The following EYS variants were observed in gnomAD, a reference collection of about 807,000 sequenced individuals.
EYS encodes the protein EGF-like photoreceptor maintenance factor.
In EYS, 250 loss-of-function variants were observed where a neutral mutation model predicts 282.1. That is an observed-to-expected ratio of 0.89 (90% CI 0.80 to 0.98). The LOEUF is 0.98. Ranked by LOEUF, EYS falls within the 50% of genes least tolerant of loss-of-function variation. The pLI, the probability that EYS is intolerant of heterozygous loss-of-function variation, is 0.00. For missense variants in EYS, 4,016 were observed against 3,709.0 expected (o/e 1.08, Z -2.15); for synonymous variants, 1,355 against 1,282.9 (o/e 1.06, Z -1.20).
At chr6:64,107,213 T>TA (rs141624057) in intron 31 of EYS, among the ~76,000 whole-genome samples, 6,134 of 146,484 alleles carry the variant, frequency 0.042, 386 homozygotes, top group African/African-American at 0.14. Flanking sequence ...GTGTATGAGT[T>TA]GGATTCTCTA....
chr6:64,819,364 G>C (rs6924334), intron 21 of EYS, among the ~76,000 whole-genome samples: 2 of 152,008 alleles, frequency 1.3e-5, no homozygotes, highest in African/African-American at 4.8e-5. Context: ...TTTAAAAAAT[G>C]TATTAAACTA....
At chr6:63,845,831 C>T (rs898486938) in intron 36 of EYS, among the ~76,000 whole-genome samples, 2 of 152,104 alleles carry the variant, frequency 1.3e-5, no homozygotes, top group African/African-American at 4.8e-5. Flanking sequence ...CAGAAAGGCA[C>T]CTTAAGTCCT....
intron 24 of EYS, among the ~76,000 whole-genome samples, chr6:64,612,376 T>A (rs1333462455): frequency 6.6e-6 from 1 of 152,152 alleles, no homozygotes; most frequent in Non-Finnish European, 1.5e-5. Flanking sequence ...GAATTTCATT[T>A]ACTGAGGAAG....
At chr6:65,365,802 C>T (rs892097081) in intron 8 of EYS, among the ~76,000 whole-genome samples, 5 of 151,592 alleles carry the variant, frequency 3.3e-5, no homozygotes, top group Non-Finnish European at 7.4e-5. Context: ...GTCCATGGGC[C>T]TCTTGTAATA....
intron 12 of EYS, among the ~76,000 whole-genome samples, chr6:65,292,612 G>A (rs1192793449): frequency 6.6e-6 from 1 of 151,706 alleles, no homozygotes; most frequent in East Asian, 1.9e-4. Context: ...CTTGTAGACT[G>A]CTTTGGGGAA....
At chr6:65,183,946 G>A (rs1765454400) in intron 12 of EYS, among the ~76,000 whole-genome samples, 1 of 151,514 alleles carries the variant, frequency 6.6e-6, no homozygotes, top group Non-Finnish European at 1.5e-5. Flanking sequence ...TGCACTTCAA[G>A]AAATACTTTA....
intron 31 of EYS, among the ~76,000 whole-genome samples, chr6:64,159,786 T>C (rs1028886560): frequency 1.3e-5 from 2 of 152,076 alleles, no homozygotes; most frequent in African/African-American, 2.4e-5. Flanking sequence ...GTGGGATGTC[T>C]ACAACCCCAT....
At chr6:65,496,468 CAATT>C (rs1427296866) in intron 2 of EYS, among the ~76,000 whole-genome samples, 1 of 151,860 alleles carries the variant, frequency 6.6e-6, no homozygotes, top group African/African-American at 2.4e-5. Context: ...GCAATCCTCA[CAATT>C]AAACTCAAAT....
chr6:65,073,642 T>C (rs1158422592), intron 12 of EYS, among the ~76,000 whole-genome samples: 1 of 151,682 alleles, frequency 6.6e-6, no homozygotes, highest in Non-Finnish European at 1.5e-5. Context: ...TATTTTTATA[T>C]ATACTTTTTA....
At chr6:65,426,457 A>C (rs1767667244) in intron 5 of EYS, among the ~76,000 whole-genome samples, 1 of 152,132 alleles carries the variant, frequency 6.6e-6, no homozygotes, top group African/African-American at 2.4e-5. Context: ...AAAACACTGA[A>C]TGAATGAGAT....
At chr6:65,443,656 C>T (rs2351259) in intron 5 of EYS, among the ~76,000 whole-genome samples, 27,872 of 151,012 alleles carry the variant, frequency 0.18, 3,204 homozygotes, top group Middle Eastern at 0.3. Flanking sequence ...TGTGTCTATA[C>T]ACATATACGT....
chr6:64,166,161 A>G (rs554060214), intron 31 of EYS, among the ~76,000 whole-genome samples: 1 of 152,312 alleles, frequency 6.6e-6, no homozygotes, highest in African/African-American at 2.4e-5. Context: ...AAGTTGCTTC[A>G]ATGCTAAATG....
intron 31 of EYS, among the ~76,000 whole-genome samples, chr6:64,137,069 T>C (rs1774185624): frequency 6.6e-6 from 1 of 152,168 alleles, no homozygotes; most frequent in African/African-American, 2.4e-5. Flanking sequence ...TCTGAACAAC[T>C]TGCTGCAGCT....
At chr6:63,729,798 T>C (rs781199174) in intron 41 of EYS, among the ~76,000 whole-genome samples, 15 of 152,154 alleles carry the variant, frequency 9.9e-5, no homozygotes, top group Non-Finnish European at 1.8e-4. Context: ...AATTTTATAA[T>C]TCCTCAGGGC....
intron 35 of EYS, among the ~76,000 whole-genome samples, chr6:63,941,688 C>T (rs1367695796): frequency 6.6e-6 from 1 of 152,122 alleles, no homozygotes; most frequent in Non-Finnish European, 1.5e-5. Flanking sequence ...GGATTTCAGG[C>T]AGAAAGGGAT....
chr6:65,459,615 CA>C (rs1007906542), intron 5 of EYS, among the ~76,000 whole-genome samples: 7 of 150,488 alleles, frequency 4.7e-5, no homozygotes, highest in Non-Finnish European at 8.9e-5. Flanking sequence ...GATGCTAAGG[CA>C]AGAAGTGCCT....
At chr6:64,967,137 C>G (rs781505453) in intron 14 of EYS, among the ~76,000 whole-genome samples, 2 of 151,374 alleles carry the variant, frequency 1.3e-5, no homozygotes, top group African/African-American at 4.8e-5. Flanking sequence ...ATCCATTTTC[C>G]ATGTAATCTG....
chr6:65,698,026 T>C (rs1364057782), intron 1 of EYS, among the ~76,000 whole-genome samples: 1 of 152,104 alleles, frequency 6.6e-6, no homozygotes, highest in African/African-American at 2.4e-5. Flanking sequence ...CTATGAAACA[T>C]TGTCAGGTAA....
intron 31 of EYS, among the ~76,000 whole-genome samples, chr6:64,150,042 C>T (rs937757784): frequency 6.6e-6 from 1 of 152,314 alleles, no homozygotes; most frequent in East Asian, 1.9e-4. Context: ...ATAATTGGAA[C>T]TATCCTGCAG....
Sources: gnomAD v4.1 joint callset for allele counts (sites outside exome capture counted in the v4.1 genomes callset) on GRCh38, gnomAD v4.1.1 for gene constraint, MANE v1.5 for transcripts, NCBI Gene and HGNC (gene_info 2026-07-23, HGNC 2026-07-21) for gene names.